The following NPSR1 variants were observed in gnomAD, a reference collection of about 807,000 sequenced individuals.
NPSR1 encodes neuropeptide S receptor 1.
Under a neutral mutation model 46.9 loss-of-function variants are expected in NPSR1, and 48 were observed. The ratio of observed to expected loss-of-function variants is 1.02; its 90% CI spans 0.81 to 1.30. The LOEUF is 1.30. NPSR1 is among the 50% of genes most tolerant of loss of function. The probability of loss-of-function intolerance (pLI) is 0.00; values close to 1 mark genes in which losing one functional copy is unlikely to be tolerated. For missense variants in NPSR1, 450 were observed against 449.5 expected, an observed-to-expected ratio of 1.00 and a Z score of -0.01; for synonymous variants, 176 against 168.1, an observed-to-expected ratio of 1.05 and a Z score of -0.36.
intron 2 of NPSR1, among the ~76,000 whole-genome samples, chr7:34,707,956 G>T (rs575299962): frequency 1.3e-5 from 2 of 151,950 alleles, no homozygotes; most frequent in Non-Finnish European, 1.5e-5. Context: ...TGTCTTCTCC[G>T]TTTTTTTCAC....
At chr7:34,680,344 C>T (rs1792563480) in intron 1 of NPSR1, among the ~76,000 whole-genome samples, 1 of 152,096 alleles carries the variant, frequency 6.6e-6, no homozygotes, top group Non-Finnish European at 1.5e-5. Flanking sequence ...TATAAACCAA[C>T]ATTACCCAGT....
chr7:34,871,960 C>A (rs13309544), intron 8 of NPSR1, among the ~76,000 whole-genome samples: 6 of 151,830 alleles, frequency 4.0e-5, no homozygotes, highest in East Asian at 1.9e-4. Context: ...CTTCCCATAG[C>A]TCCACTAGGC....
At chr7:34,660,915 C>A (rs1791423213) in intron 1 of NPSR1, among the ~76,000 whole-genome samples, 9 of 152,182 alleles carry the variant, frequency 5.9e-5, no homozygotes, top group Admixed American at 5.9e-4. Context: ...TCTCTTCTTG[C>A]CACTTAATGC....
chr7:34,868,291 A>G (rs183170426), intron 8 of NPSR1, among the ~76,000 whole-genome samples: 1,865 of 151,548 alleles, frequency 0.012, 65 homozygotes, highest in African/African-American at 0.041. Context: ...GGGACCAGGC[A>G]GCAGCCCCAC....
chr7:34,685,752 A>C, intron 2 of NPSR1: 1 of 400,128 alleles, frequency 2.5e-6, no homozygotes, highest in Middle Eastern at 3.5e-4. Context: ...CTAACAAAGT[A>C]TAACAAGCCC....
At chr7:34,699,641 T>TG (rs1793716848) in intron 2 of NPSR1, among the ~76,000 whole-genome samples, 1 of 152,166 alleles carries the variant, frequency 6.6e-6, no homozygotes, top group South Asian at 2.1e-4. Context: ...GCAATGCCTC[T>TG]GCACAAAGAG....
At chr7:34,830,454 T>A (rs79144212) in intron 5 of NPSR1, among the ~76,000 whole-genome samples, 2,502 of 152,344 alleles carry the variant, frequency 0.016, 45 homozygotes, top group East Asian at 0.063. Flanking sequence ...TTGTTTTTTT[T>A]AAAGTACTTA....
chr7:34,771,155 C>T (rs1361791354), intron 2 of NPSR1, among the ~76,000 whole-genome samples: 2 of 152,090 alleles, frequency 1.3e-5, no homozygotes, highest in African/African-American at 2.4e-5. Context: ...GCAGAAAGGG[C>T]GAGATGCAGT....
chr7:34,725,099 T>TCACACACACA (rs56880784), intron 2 of NPSR1, among the ~76,000 whole-genome samples: 341 of 146,608 alleles, frequency 2.3e-3, no homozygotes, highest in South Asian at 4.4e-3. Context: ...ACACACAGAC[T>TCACACACACA]CACACACACA....
intron 1 of NPSR1, among the ~76,000 whole-genome samples, chr7:34,660,691 A>G (rs1017655009): frequency 6.6e-6 from 1 of 152,236 alleles, no homozygotes; most frequent in Non-Finnish European, 1.5e-5. Flanking sequence ...AGCAAGACTC[A>G]CTTAGCAAGT....
chr7:34,839,250 T>C (rs993606009), intron 6 of NPSR1, among the ~76,000 whole-genome samples: 1 of 152,202 alleles, frequency 6.6e-6, no homozygotes, highest in African/African-American at 2.4e-5. Context: ...CATAAAGACG[T>C]TGAATCTCCC....
At chr7:34,871,456 C>T (rs1791450920) in intron 8 of NPSR1, 1 of 151,738 alleles carries the variant, frequency 6.6e-6, no homozygotes, top group African/African-American at 2.4e-5. Flanking sequence ...ACCTCTGGCC[C>T]CCAAATATCA....
At chr7:34,722,859 C>T (rs923834787) in intron 2 of NPSR1, among the ~76,000 whole-genome samples, 3 of 152,078 alleles carry the variant, frequency 2.0e-5, no homozygotes, top group Non-Finnish European at 2.9e-5. Context: ...GTTGGCAAGG[C>T]CTCTTAGAAG....
Position 34,766,550 on chromosome 7 carries a change from A to T in NPSR1, c.281-11912A>T, listed in dbSNP as rs189388570. Reference sequence around the variant, plus strand: ...AAACAAATGATACACACACCTTAGAAGAATTTCAAAGGCATTATGATGAAT... The same window carrying T: ...AAACAAATGATACACACACCTTAGATGAATTTCAAAGGCATTATGATGAAT... On this transcript the variant is annotated intron_variant, in intron 2 of 8. Coordinates refer to ENST00000360581, the MANE Select transcript of NPSR1 (RefSeq NM_207172.2). Among the ~76,000 whole-genome samples, 1,473 of 152,258 alleles carry T rather than the reference A, an allele frequency of 9.7e-3. 8 individuals carry two copies. Among genetic ancestry groups the T allele is most frequent in the Non-Finnish European group, 0.015 (1,029 of 68,004 alleles).
intron 2 of NPSR1, among the ~76,000 whole-genome samples, chr7:34,762,664 T>A (rs1398502620): frequency 1.3e-5 from 2 of 152,156 alleles, no homozygotes; most frequent in Non-Finnish European, 2.9e-5. Flanking sequence ...CTAAAGACAT[T>A]GAGTTGAGCT....
chr7:34,782,266 G>T (rs1451281617), intron 3 of NPSR1, among the ~76,000 whole-genome samples: 1 of 152,066 alleles, frequency 6.6e-6, no homozygotes, highest in Non-Finnish European at 1.5e-5. Context: ...CAGTTTCATG[G>T]CTACTCCATG....
chr7:34,667,956 CAAGTGTCTCTTCTTAT>C (rs931051821), intron 1 of NPSR1, among the ~76,000 whole-genome samples: 2 of 152,004 alleles, frequency 1.3e-5, no homozygotes, highest in Non-Finnish European at 2.9e-5. Context: ...TTCCATCCCT[CAAGTGTCTCTTCTTAT>C]AACCCCCCTA....
rs76912159 is a variant in NPSR1 at position 34,700,615 on chromosome 7, T to C, written c.280+15931T>C. Among the ~76,000 whole-genome samples the C allele has an allele frequency of 3.9e-3, 588 of 152,310 alleles. 6 individuals are homozygous for C. The highest frequency in any genetic ancestry group is 0.013 in the African/African-American group (558 of 41,568). ...ATGGCTATTCCCCTATAAAATAATA[T>C]ACTAAATCACTCTTTGAAACATAAC... On this transcript the variant is annotated intron_variant, in intron 2 of 8. Transcript: ENST00000360581.
At chr7:34,776,965 CCTTCTCCTT>C (rs1786992098) in intron 2 of NPSR1, among the ~76,000 whole-genome samples, 1 of 152,308 alleles carries the variant, frequency 6.6e-6, no homozygotes, top group Admixed American at 6.5e-5. Flanking sequence ...CCTACTCCTT[CCTTCTCCTT>C]CTTCTCCTTT....
Sources: gnomAD v4.1 joint callset for allele counts (sites outside exome capture counted in the v4.1 genomes callset) on GRCh38, gnomAD v4.1.1 for gene constraint, MANE v1.5 for transcripts, NCBI Gene and HGNC (gene_info 2026-07-23, HGNC 2026-07-21) for gene names.